Variants in SLC44A5 observed in about 807,000 individuals in gnomAD.
SLC44A5 encodes the protein choline transporter-like protein 5.
A neutral mutation model predicts 101.8 loss-of-function variants in SLC44A5; 57 were observed. The observed-to-expected ratio is 0.56, with a 90% CI of 0.45 to 0.70. SLC44A5 has a LOEUF of 0.70. Ranked by LOEUF, SLC44A5 falls within the 30% of genes least tolerant of loss-of-function variation. The pLI is 0.00. For missense variants in SLC44A5, 737 were observed against 853.1 expected, an observed-to-expected ratio of 0.86 and a Z score of 1.70; for synonymous variants, 281 against 290.9, an observed-to-expected ratio of 0.97 and a Z score of 0.35.
intron 3 of SLC44A5, among the ~76,000 whole-genome samples, chr1:75,384,918 C>CAACT (rs1349912875): frequency 6.6e-6 from 1 of 151,030 alleles, no homozygotes; most frequent in Non-Finnish European, 1.5e-5. Context: ...CAAAACCACT[C>CAACT]AACTACATGG....
chr1:75,418,084 CTG>C (rs748710080), intron 2 of SLC44A5, among the ~76,000 whole-genome samples: 3 of 152,190 alleles, frequency 2.0e-5, no homozygotes, highest in Non-Finnish European at 4.4e-5. Context: ...AATAAAGAAG[CTG>C]TGACATTTAG....
chr1:75,229,356 A>G (rs1647352689), intron 12 of SLC44A5, among the ~76,000 whole-genome samples: 1 of 152,124 alleles, frequency 6.6e-6, no homozygotes, highest in Non-Finnish European at 1.5e-5. Flanking sequence ...TAGGTTTTAT[A>G]ATAATCTGTA....
At chr1:75,458,494 G>A (rs1040867501) in intron 2 of SLC44A5, among the ~76,000 whole-genome samples, 30 of 152,222 alleles carry the variant, frequency 2.0e-4, no homozygotes, top group African/African-American at 7.2e-4. Flanking sequence ...GAGGATTGAA[G>A]GACAATCAGA....
At chr1:75,522,623 T>G (rs554715699) in intron 2 of SLC44A5, among the ~76,000 whole-genome samples, 3 of 152,266 alleles carry the variant, frequency 2.0e-5, no homozygotes, top group African/African-American at 7.2e-5. Context: ...CTCTCCCGAC[T>G]CTTTAGTCAT....
chr1:75,288,077 CT>C (rs1469659464), intron 5 of SLC44A5, among the ~76,000 whole-genome samples: 1 of 152,094 alleles, frequency 6.6e-6, no homozygotes, highest in African/African-American at 2.4e-5. Context: ...AGGTTTTCGG[CT>C]GTCTCACAGA....
chr1:75,557,895 G>T (rs1172628596), intron 1 of SLC44A5, among the ~76,000 whole-genome samples: 3 of 152,032 alleles, frequency 2.0e-5, no homozygotes, highest in Admixed American at 6.6e-5. Flanking sequence ...TTGAATATTG[G>T]TTAAGAATCC....
chr1:75,510,653 G>A (rs987646673), intron 2 of SLC44A5, among the ~76,000 whole-genome samples: 1 of 152,142 alleles, frequency 6.6e-6, no homozygotes, highest in Non-Finnish European at 1.5e-5. Flanking sequence ...CACATATACT[G>A]CCTCAAGATA....
chr1:75,441,001 T>TA (rs1203861028), intron 2 of SLC44A5, among the ~76,000 whole-genome samples: 1 of 151,698 alleles, frequency 6.6e-6, no homozygotes, highest in Non-Finnish European at 1.5e-5. Context: ...GGGTTCCAAA[T>TA]AAAAAATGAT....
chr1:75,292,390 C>CT (rs1488716687), intron 5 of SLC44A5, among the ~76,000 whole-genome samples: 1 of 152,060 alleles, frequency 6.6e-6, no homozygotes, highest in Admixed American at 6.5e-5. Context: ...GTAAATAACA[C>CT]TTTTTTGGGA....
chr1:75,227,983 T>C, intron 12 of SLC44A5, 126 bp from the exon 13 acceptor site: 2 of 643,818 alleles, frequency 3.1e-6, no homozygotes, highest in South Asian at 4.9e-5. Flanking sequence ...GCAAGACACA[T>C]ATTTACACAG....
chr1:75,213,459 T>G (rs899348387), intron 22 of SLC44A5, among the ~76,000 whole-genome samples: 2 of 151,000 alleles, frequency 1.3e-5, no homozygotes, highest in Non-Finnish European at 2.9e-5. Context: ...GAGGATCGGA[T>G]TAGTGTCCTT....
At chr1:75,528,657 T>C (rs1035559414) in intron 2 of SLC44A5, among the ~76,000 whole-genome samples, 2 of 152,326 alleles carry the variant, frequency 1.3e-5, no homozygotes, top group Admixed American at 6.5e-5. Context: ...GCATCTTTAA[T>C]CATTTCTCTG....
At chr1:75,652,570 A>C in the SLC44A5 span, among the ~76,000 whole-genome samples, 1 of 152,160 alleles carries the variant, frequency 6.6e-6, no homozygotes, top group Non-Finnish European at 1.5e-5. Context: ...CAAGGTGGGC[A>C]GATTGCTTGA....
At chr1:75,316,484 C>T (rs758907061) in intron 4 of SLC44A5, among the ~76,000 whole-genome samples, 2 of 152,204 alleles carry the variant, frequency 1.3e-5, no homozygotes, top group Non-Finnish European at 2.9e-5. Flanking sequence ...TTGATGCTCC[C>T]TTACCTCTGG....
At chr1:75,723,675 A>C in the SLC44A5 span, 1 of 152,144 alleles carries the variant, frequency 6.6e-6, no homozygotes, top group South Asian at 2.1e-4. Flanking sequence ...TACCACCACC[A>C]CTTTGAAGGC....
chr1:75,687,933 T>C, the SLC44A5 span, among the ~76,000 whole-genome samples: 1 of 152,178 alleles, frequency 6.6e-6, no homozygotes, highest in Non-Finnish European at 1.5e-5. Flanking sequence ...CAGCAGTTGT[T>C]ATGTCTCACT....
intron 2 of SLC44A5, among the ~76,000 whole-genome samples, chr1:75,429,559 C>T (rs1047813900): frequency 6.6e-6 from 1 of 152,164 alleles, no homozygotes; most frequent in Admixed American, 6.5e-5. Context: ...ATACCCGAGA[C>T]TAATTTATAA....
chr1:75,656,891 G>A, the SLC44A5 span, among the ~76,000 whole-genome samples: 1 of 152,176 alleles, frequency 6.6e-6, no homozygotes, highest in Admixed American at 6.5e-5. Flanking sequence ...GCTCATGCCT[G>A]TAATCCCAGC....
chr1:75,209,194 A>C (rs1463263317), intron 23 of SLC44A5, among the ~76,000 whole-genome samples: 1 of 152,228 alleles, frequency 6.6e-6, no homozygotes, highest in African/African-American at 2.4e-5. Context: ...AGATGGTGGA[A>C]AACATTTCTT....
Sources: allele counts gnomAD v4.1 joint callset (sites outside exome capture counted in the v4.1 genomes callset), GRCh38; gene constraint gnomAD v4.1.1; transcripts MANE v1.5; gene names NCBI Gene and HGNC (gene_info 2026-07-23, HGNC 2026-07-21).